Variants in BAZ2B observed in about 807,000 individuals in gnomAD.
BAZ2B encodes the protein bromodomain adjacent to zinc finger domain protein 2B.
Under a neutral mutation model 246.0 loss-of-function variants are expected in BAZ2B, and 91 were observed. The observed-to-expected ratio is 0.37, with a 90% CI of 0.31 to 0.44. BAZ2B has a LOEUF of 0.44. Among genes scored for constraint, BAZ2B ranks in the 20% least tolerant of loss-of-function variants. The pLI is 1.00. For missense variants in BAZ2B, 2,332 were observed against 2,533.7 expected (o/e 0.92, Z 1.71); for synonymous variants, 855 against 860.0 (o/e 0.99, Z 0.10).
intron 2 of BAZ2B, 68 bp from the exon 3 acceptor site, chr2:159,478,789 A>G (rs2078922579): frequency 5.8e-6 from 7 of 1,214,154 alleles, no homozygotes; most frequent in Non-Finnish European, 7.6e-6. Context: ...TTCAACATAA[A>G]CTTTTTGTAT....
the BAZ2B span, among the ~76,000 whole-genome samples, chr2:159,708,644 G>A: frequency 2.4e-4 from 36 of 151,542 alleles, no homozygotes; most frequent in South Asian, 6.2e-3. Flanking sequence ...CATGATCCCC[G>A]CTCACTGCAA....
At chr2:159,569,103 C>T (rs1416773888) in intron 1 of BAZ2B, among the ~76,000 whole-genome samples, 1 of 152,100 alleles carries the variant, frequency 6.6e-6, no homozygotes, top group Non-Finnish European at 1.5e-5. Flanking sequence ...ACAATTTCAA[C>T]ATATATCTCT....
At chr2:159,616,057 C>G (rs1696027957) in intron 1 of BAZ2B, 185 bp downstream of exon 1, 2 of 152,318 alleles carry the variant, frequency 1.3e-5, no homozygotes, top group Admixed American at 1.3e-4. Flanking sequence ...AAGAGCCGCA[C>G]CGACCGGCGA....
chr2:159,499,047 G>A (rs2081439645), intron 2 of BAZ2B, among the ~76,000 whole-genome samples: 1 of 151,898 alleles, frequency 6.6e-6, no homozygotes, highest in Admixed American at 6.6e-5. Context: ...CAGGGGTACA[G>A]GTACAGGATG....
At chr2:159,707,717 C>T in the BAZ2B span, among the ~76,000 whole-genome samples, 10 of 152,294 alleles carry the variant, frequency 6.6e-5, no homozygotes, top group South Asian at 2.1e-4. Flanking sequence ...ATCCCAGCTA[C>T]TCAGGAGGCT....
At chr2:159,425,497 T>C (rs2069645966) in intron 13 of BAZ2B, among the ~76,000 whole-genome samples, 1 of 152,100 alleles carries the variant, frequency 6.6e-6, no homozygotes, top group African/African-American at 2.4e-5. Flanking sequence ...TCACATTATA[T>C]ACATAAAACA....
the BAZ2B span, among the ~76,000 whole-genome samples, chr2:159,656,242 G>T: frequency 6.6e-6 from 1 of 152,098 alleles, no homozygotes; most frequent in Non-Finnish European, 1.5e-5. Context: ...AGTACAGAGA[G>T]TTCCCATATA....
intron 21 of BAZ2B, among the ~76,000 whole-genome samples, chr2:159,387,327 T>C (rs1400608316): frequency 1.3e-5 from 2 of 152,186 alleles, no homozygotes; most frequent in Non-Finnish European, 2.9e-5. Flanking sequence ...AATGACTTAA[T>C]TGCAGTACCA....
intron 27 of BAZ2B, among the ~76,000 whole-genome samples, chr2:159,361,560 A>G (rs772362973): frequency 1.3e-5 from 2 of 152,214 alleles, no homozygotes; most frequent in Non-Finnish European, 2.9e-5. Context: ...TCAAGGATCT[A>G]CAACCAGAAA....
At chr2:159,521,626 G>A (rs2084144672) in intron 2 of BAZ2B, among the ~76,000 whole-genome samples, 1 of 151,746 alleles carries the variant, frequency 6.6e-6, no homozygotes, top group Non-Finnish European at 1.5e-5. Context: ...CAGTATTTTT[G>A]TCCTTTAGAT....
chr2:159,687,300 C>G, the BAZ2B span, among the ~76,000 whole-genome samples: 5 of 152,210 alleles, frequency 3.3e-5, no homozygotes, highest in African/African-American at 1.2e-4. Flanking sequence ...TGAATTTATG[C>G]TACTAAGGTG....
chr2:159,432,242 G>A (rs1483872934), intron 9 of BAZ2B, among the ~76,000 whole-genome samples: 3 of 151,684 alleles, frequency 2.0e-5, no homozygotes, highest in African/African-American at 7.3e-5. Flanking sequence ...AAAATGCAAA[G>A]AAGTTAACCC....
chr2:159,541,795 T>C (rs1319177367), intron 2 of BAZ2B, among the ~76,000 whole-genome samples: 1 of 152,124 alleles, frequency 6.6e-6, no homozygotes, highest in Non-Finnish European at 1.5e-5. Flanking sequence ...TAAGTTACTG[T>C]CCAGGTTCCT....
intron 24 of BAZ2B, among the ~76,000 whole-genome samples, chr2:159,383,081 A>G (rs1245160206): frequency 6.6e-6 from 1 of 152,158 alleles, no homozygotes; most frequent in African/African-American, 2.4e-5. Flanking sequence ...ACAATGGCTG[A>G]GTAATAATTT....
At chr2:159,474,081 T>C (rs765129994) in intron 3 of BAZ2B, among the ~76,000 whole-genome samples, 1 of 152,222 alleles carries the variant, frequency 6.6e-6, no homozygotes, top group Non-Finnish European at 1.5e-5. Flanking sequence ...TTAGGTCTGC[T>C]TGGTCCACAG....
At chr2:159,385,960 G>A (rs1001350223) in intron 22 of BAZ2B, among the ~76,000 whole-genome samples, 1 of 152,100 alleles carries the variant, frequency 6.6e-6, no homozygotes, top group Non-Finnish European at 1.5e-5. Context: ...TTAACGTGCT[G>A]GTCTGTAGGT....
At position 159,438,291 on chromosome 2, in the gene BAZ2B, T is replaced by C. The variant is rs1443667318; in HGVS notation, c.1293+12A>G. On this transcript the variant is annotated intron_variant, in intron 8 of 36. Transcript: ENST00000392783. ...AATAGTAAAATTCTTGTATAAATAA[T>C]TTGTAACTCACCCGTTTGGATCTCA... 3.7e-6 allele frequency: 6 copies of C among 1,601,644 alleles called. No homozygotes were observed. Among genetic ancestry groups the C allele is most frequent in the Non-Finnish European group, 5.1e-6 (6 of 1,174,978 alleles).
At chr2:159,477,133 G>A (rs1206742677) in intron 3 of BAZ2B, among the ~76,000 whole-genome samples, 3 of 151,878 alleles carry the variant, frequency 2.0e-5, no homozygotes, top group Non-Finnish European at 4.4e-5. Context: ...GTGAAACCCC[G>A]TCTCTACTAA....
chr2:159,667,150 C>T, the BAZ2B span, among the ~76,000 whole-genome samples: 1 of 70,682 alleles, frequency 1.4e-5, no homozygotes, highest in Admixed American at 1.6e-4. Flanking sequence ...GATTTTTCTC[C>T]TGTTTTTTTT....
Sources: gnomAD v4.1 joint callset for allele counts (sites outside exome capture counted in the v4.1 genomes callset) on GRCh38, gnomAD v4.1.1 for gene constraint, MANE v1.5 for transcripts, NCBI Gene and HGNC (gene_info 2026-07-23, HGNC 2026-07-21) for gene names.